Variants in PDE4D observed in about 807,000 individuals in gnomAD.
PDE4D encodes 3',5'-cyclic-AMP phosphodiesterase 4D.
A neutral mutation model predicts 87.4 loss-of-function variants in PDE4D; 24 were observed. That is an observed-to-expected ratio of 0.27 (90% CI 0.20 to 0.39). PDE4D has a LOEUF of 0.39. PDE4D is among the 10% of genes least tolerant of loss of function. The pLI is 1.00. For missense variants in PDE4D, 714 were observed against 1,041.0 expected (o/e 0.69, Z 4.32); for synonymous variants, 384 against 383.2 (o/e 1.00, Z -0.02).
chr5:59,348,801 T>A (rs12697177), intron 1 of PDE4D, among the ~76,000 whole-genome samples: 15,663 of 152,102 alleles, frequency 0.1, 898 homozygotes, highest in East Asian at 0.22. Flanking sequence ...TAATGAATTA[T>A]ATAATTTGAG....
chr5:59,301,959 C>A (rs1581843509), intron 1 of PDE4D, among the ~76,000 whole-genome samples: 1 of 152,200 alleles, frequency 6.6e-6, no homozygotes, highest in South Asian at 2.1e-4. Context: ...GCAAACATGA[C>A]CAGGCATCTG....
intron 1 of PDE4D, among the ~76,000 whole-genome samples, chr5:60,486,781 T>C (rs1287424141): frequency 2.0e-5 from 3 of 152,232 alleles, no homozygotes; most frequent in Non-Finnish European, 4.4e-5. Context: ...AAATGATTTA[T>C]GCTTGAGAGT....
At chr5:59,385,417 T>C (rs1194207498) in intron 1 of PDE4D, among the ~76,000 whole-genome samples, 1 of 152,234 alleles carries the variant, frequency 6.6e-6, no homozygotes, top group African/African-American at 2.4e-5. Context: ...TGTTGAAATG[T>C]AAATTCCTTC....
rs529594781 is a variant in PDE4D, at chr5:60,196,132, C to A, written c.-89-10445G>T. 4.6e-5 allele frequency among the ~76,000 whole-genome samples: 7 copies of A among 151,790 alleles called. 1 individual carries two copies. The highest frequency in any genetic ancestry group is 1.3e-4 in the Admixed American group (2 of 15,232). ...GACATTTTTGGAAATACAAGCATAT[C>A]ATTTGGCTCCCCAAATAGCCTAATT... is the stretch of plus-strand genomic sequence containing the variant. On this transcript the variant is annotated intron_variant, in intron 1 of 16. Coordinates refer to the PDE4D transcript ENST00000502484.
At position 59,352,514 on chromosome 5, in the gene PDE4D, C is replaced by T. The variant is rs114948288; in HGVS notation, c.456-136546G>A. 8.0e-3 allele frequency among the ~76,000 whole-genome samples: 1,224 copies of T among 152,214 alleles called. 13 individuals are homozygous for T. Among genetic ancestry groups the T allele is most frequent in the African/African-American group, 0.027 (1,107 of 41,536 alleles). ...ACAGCTTTTTCTAATGGGAATTGTGCAGTTTGGTTGGGCAATCACTGATGT... is the reference window on the plus strand; with the variant it reads ...ACAGCTTTTTCTAATGGGAATTGTGTAGTTTGGTTGGGCAATCACTGATGT... On this transcript the variant is annotated intron_variant, in intron 1 of 14. Coordinates refer to ENST00000340635, the MANE Select transcript of PDE4D (RefSeq NM_001104631.2).
intron 1 of PDE4D, among the ~76,000 whole-genome samples, chr5:60,222,501 T>C (rs954245058): frequency 3.3e-5 from 5 of 152,186 alleles, no homozygotes; most frequent in Admixed American, 6.5e-5. Context: ...AGATGACTAA[T>C]ACAATTTAGG....
intron 1 of PDE4D, among the ~76,000 whole-genome samples, chr5:59,665,258 C>T (rs536389924): frequency 3.9e-5 from 6 of 152,318 alleles, no homozygotes; most frequent in African/African-American, 1.4e-4. Flanking sequence ...TACTAATGGA[C>T]AGACTTCAGA....
chr5:60,277,722 G>A (rs7341019), intron 1 of PDE4D, among the ~76,000 whole-genome samples: 14,580 of 152,082 alleles, frequency 0.096, 2,342 homozygotes, highest in African/African-American at 0.33. Context: ...TAACTCTACT[G>A]TTTTACTTTT....
At chr5:59,164,257 T>C (rs1781567606) in intron 5 of PDE4D, among the ~76,000 whole-genome samples, 2 of 152,202 alleles carry the variant, frequency 1.3e-5, no homozygotes, top group Admixed American at 1.3e-4. Flanking sequence ...GGAAAATAAT[T>C]TCAAGAGAAA....
chr5:60,266,097 G>C (rs1001624102), intron 1 of PDE4D, among the ~76,000 whole-genome samples: 1 of 152,082 alleles, frequency 6.6e-6, no homozygotes, highest in African/African-American at 2.4e-5. Flanking sequence ...GATGCAGCGG[G>C]AAGAAGGAGC....
chr5:60,144,166 AC>A (rs1248361365), intron 2 of PDE4D, among the ~76,000 whole-genome samples: 1 of 152,196 alleles, frequency 6.6e-6, no homozygotes, highest in Non-Finnish European at 1.5e-5. Context: ...GCTTTTGGTC[AC>A]ATTGGAACTC....
chr5:59,895,584 C>T (rs1431521810), upstream of PDE4D, among the ~76,000 whole-genome samples: 1 of 152,182 alleles, frequency 6.6e-6, no homozygotes, highest in Admixed American at 6.5e-5. Context: ...CCAGTATTTT[C>T]CCAAACACAA....
At chr5:59,622,553 G>A (rs768871172) in intron 1 of PDE4D, among the ~76,000 whole-genome samples, 113 of 152,072 alleles carry the variant, frequency 7.4e-4, no homozygotes, top group Admixed American at 1.4e-3. Context: ...TTTGCTTTCG[G>A]CACACCCCGA....
At chr5:59,771,489 G>GA (rs1581029634) in intron 1 of PDE4D, among the ~76,000 whole-genome samples, 1,467 of 38,322 alleles carry the variant, frequency 0.038, 15 homozygotes, top group Middle Eastern at 0.1. Flanking sequence ...AAGAAAGAGA[G>GA]AGAGAGAGAG....
intron 1 of PDE4D, chr5:59,218,015 T>C (rs772004359): frequency 3.7e-5 from 18 of 487,624 alleles, no homozygotes; most frequent in Non-Finnish European, 6.2e-5. Flanking sequence ...TGAGAAGTTT[T>C]CATGAAGAGT....
At chr5:59,045,429 T>C (rs1244091956) in intron 5 of PDE4D, among the ~76,000 whole-genome samples, 1 of 152,016 alleles carries the variant, frequency 6.6e-6, no homozygotes, top group Non-Finnish European at 1.5e-5. Flanking sequence ...GGCACATGCC[T>C]ATATTCCCAG....
chr5:59,870,998 A>G (rs548404150), intron 1 of PDE4D, among the ~76,000 whole-genome samples: 10 of 152,364 alleles, frequency 6.6e-5, no homozygotes, highest in South Asian at 4.1e-4. Context: ...CTGCATAAAC[A>G]TAGAACACGA....
At chr5:59,566,732 G>A (rs1342490545) in intron 1 of PDE4D, among the ~76,000 whole-genome samples, 1 of 152,102 alleles carries the variant, frequency 6.6e-6, no homozygotes, top group East Asian at 1.9e-4. Context: ...GGGGGGATGA[G>A]GTGTGGCCAT....
chr5:59,924,730 G>C (rs545243987), intron 3 of PDE4D, among the ~76,000 whole-genome samples: 25 of 152,194 alleles, frequency 1.6e-4, no homozygotes, highest in South Asian at 8.3e-4. Context: ...CTTAAGAAAA[G>C]GACATTAATG....
Sources: gnomAD v4.1 joint callset for allele counts (sites outside exome capture counted in the v4.1 genomes callset) on GRCh38, gnomAD v4.1.1 for gene constraint, MANE v1.5 for transcripts, NCBI Gene and HGNC (gene_info 2026-07-23, HGNC 2026-07-21) for gene names.